ZNF385D: variants seen among roughly 807,000 people sequenced by gnomAD.
The protein encoded by ZNF385D is zinc finger protein 659.
Under a neutral mutation model 35.8 loss-of-function variants are expected in ZNF385D, and 15 were observed. The observed-to-expected ratio is 0.42, with a 90% CI of 0.28 to 0.64. The LOEUF (loss-of-function observed/expected upper bound fraction) is 0.64, where lower values mean the gene tolerates loss of function less well. Ranked by LOEUF, ZNF385D falls within the 30% of genes least tolerant of loss-of-function variation. The pLI, the probability that ZNF385D is intolerant of heterozygous loss-of-function variation, is 0.23. For synonymous variants in ZNF385D, 212 were observed against 186.8 expected, an observed-to-expected ratio of 1.13 and a Z score of -1.10; for missense variants, 474 against 494.6, an observed-to-expected ratio of 0.96 and a Z score of 0.39.
intron 3 of ZNF385D, among the ~76,000 whole-genome samples, chr3:22,155,831 G>T (rs1332547986): frequency 6.6e-6 from 1 of 152,102 alleles, no homozygotes; most frequent in African/African-American, 2.4e-5. Flanking sequence ...GGATAGAAGA[G>T]TTTGTTGTTA....
At chr3:21,839,224 T>C (rs756984905) in intron 3 of ZNF385D, among the ~76,000 whole-genome samples, 1 of 152,086 alleles carries the variant, frequency 6.6e-6, no homozygotes, top group Non-Finnish European at 1.5e-5. Flanking sequence ...TAACATTTTT[T>C]TAGTATCATC....
intron 3 of ZNF385D, among the ~76,000 whole-genome samples, chr3:21,878,726 G>T (rs1190565131): frequency 2.6e-5 from 4 of 152,134 alleles, no homozygotes; most frequent in Non-Finnish European, 4.4e-5. Context: ...TCTGAGTCAT[G>T]GATGTGCTTC....
intron 4 of ZNF385D, among the ~76,000 whole-genome samples, chr3:21,496,624 T>C (rs1284175474): frequency 1.4e-5 from 2 of 147,306 alleles, no homozygotes; most frequent in African/African-American, 2.6e-5. Context: ...GTCAATATCC[T>C]TGATGAACAT....
chr3:21,876,933 A>T (rs1698008624), intron 3 of ZNF385D, among the ~76,000 whole-genome samples: 1 of 152,122 alleles, frequency 6.6e-6, no homozygotes, highest in African/African-American at 2.4e-5. Context: ...CATTAAGCAG[A>T]GAAGCACTTC....
intron 4 of ZNF385D, among the ~76,000 whole-genome samples, chr3:21,462,997 C>G (rs945133078): frequency 2.6e-5 from 4 of 151,802 alleles, no homozygotes; most frequent in African/African-American, 9.7e-5. Context: ...AACAAACAAA[C>G]AAACAAACAA....
At chr3:22,292,840 AAG>A (rs1320443890) in intron 2 of ZNF385D, among the ~76,000 whole-genome samples, 2 of 152,094 alleles carry the variant, frequency 1.3e-5, no homozygotes, top group Non-Finnish European at 2.9e-5. Flanking sequence ...GTGACAGAAA[AAG>A]AGAGAGAGAA....
chr3:22,076,870 T>C (rs1390333416), intron 3 of ZNF385D, among the ~76,000 whole-genome samples: 1 of 151,984 alleles, frequency 6.6e-6, no homozygotes, highest in Non-Finnish European at 1.5e-5. Flanking sequence ...AAATTCTGTA[T>C]GACTGTAAGT....
At chr3:22,168,717 T>C (rs1476157145) in intron 3 of ZNF385D, 1 of 731,930 alleles carries the variant, frequency 1.4e-6, no homozygotes, top group Non-Finnish European at 1.7e-6. Flanking sequence ...TTTTTCCTGG[T>C]TTAAAAAAAT....
intron 3 of ZNF385D, among the ~76,000 whole-genome samples, chr3:21,814,866 T>A (rs1460590705): frequency 1.3e-5 from 2 of 152,124 alleles, no homozygotes; most frequent in African/African-American, 4.8e-5. Context: ...CCACCCCAAA[T>A]CAACAGAATA....
chr3:21,790,250 T>C lies in ZNF385D; in HGVS notation c.326-125222A>G, dbSNP rs539846833. Among the ~76,000 whole-genome samples, 6 of 14,178 alleles carry C rather than the reference T, an allele frequency of 4.2e-4. No individual in the cohort carries two copies. In the South Asian group the frequency reaches 9.9e-3, roughly 23 times the overall value. The allele number at this position is 14,178 out of a possible 152,430, so 9.3% of individuals were successfully genotyped here. A position where few individuals can be genotyped will look rare whatever the true frequency, so the allele number is the denominator to read the frequency against. On this transcript the variant is annotated intron_variant, in intron 3 of 5. Coordinates refer to the ZNF385D transcript ENST00000494108. ...CTTTAAAAATCGATGCATATGTGGCTTTTTTTCAATTAAAAAAGTGGCTCA... is the reference window on the plus strand; with the variant it reads ...CTTTAAAAATCGATGCATATGTGGCCTTTTTTCAATTAAAAAAGTGGCTCA...
intron 1 of ZNF385D, among the ~76,000 whole-genome samples, chr3:21,712,257 T>A (rs1204846658): frequency 6.6e-6 from 1 of 152,184 alleles, no homozygotes; most frequent in Non-Finnish European, 1.5e-5. Flanking sequence ...ATTGTACACG[T>A]CTACTTCTAA....
intron 2 of ZNF385D, among the ~76,000 whole-genome samples, chr3:22,236,040 A>G (rs1334281200): frequency 6.6e-6 from 1 of 152,172 alleles, no homozygotes; most frequent in East Asian, 1.9e-4. Context: ...ATTGATTGTA[A>G]CAGCAAGGAA....
intron 3 of ZNF385D, among the ~76,000 whole-genome samples, chr3:22,099,404 T>C (rs1303472100): frequency 6.6e-6 from 1 of 151,922 alleles, no homozygotes; most frequent in African/African-American, 2.4e-5. Context: ...AAAGTATGAG[T>C]TGTAATTATT....
intron 3 of ZNF385D, among the ~76,000 whole-genome samples, chr3:21,825,727 C>G (rs182908096): frequency 1.2e-3 from 187 of 152,302 alleles, no homozygotes; most frequent in Non-Finnish European, 1.9e-3. Flanking sequence ...GTGTTTGTCT[C>G]TCTCTCAAAT....
At chr3:22,121,269 A>G (rs73142952) in intron 3 of ZNF385D, among the ~76,000 whole-genome samples, 3,173 of 152,260 alleles carry the variant, frequency 0.021, 112 homozygotes, top group African/African-American at 0.073. Context: ...AAATAGATCA[A>G]TAGTCCTCCT....
intron 2 of ZNF385D, among the ~76,000 whole-genome samples, chr3:22,252,000 A>T (rs939163185): frequency 2.0e-5 from 3 of 152,240 alleles, no homozygotes; most frequent in Admixed American, 2.0e-4. Flanking sequence ...TAAACATTCA[A>T]TAAATGTTAT....
At position 22,324,553 on chromosome 3, in the gene ZNF385D, GAA is replaced by G. The variant is rs201088604; in HGVS notation, c.106+47895_106+47896del. On this transcript the variant is annotated intron_variant, in intron 2 of 5. Transcript: ENST00000494108. ...ACTAATCTAAGGAAGACAATAAAAT[GAA>G]AAGATATTTCATTATCCTATGAGCA... 2.5e-3 allele frequency among the ~76,000 whole-genome samples: 373 copies of G among 152,138 alleles called. 2 individuals carry two copies. The highest frequency in any genetic ancestry group is 8.9e-3 in the African/African-American group (368 of 41,524).
chr3:21,694,229 G>C (rs2067391666), intron 1 of ZNF385D, among the ~76,000 whole-genome samples: 1 of 151,834 alleles, frequency 6.6e-6, no homozygotes, highest in African/African-American at 2.4e-5. Context: ...ATTTTCAGTG[G>C]AGACGGGGTT....
intron 3 of ZNF385D, among the ~76,000 whole-genome samples, chr3:22,007,649 G>A (rs1013555299): frequency 6.6e-6 from 1 of 152,164 alleles, no homozygotes; most frequent in Non-Finnish European, 1.5e-5. Context: ...GGTAGAGTGT[G>A]CTGCCTATCT....
Sources: gnomAD v4.1 joint callset for allele counts (sites outside exome capture counted in the v4.1 genomes callset) on GRCh38, gnomAD v4.1.1 for gene constraint, MANE v1.5 for transcripts, NCBI Gene and HGNC (gene_info 2026-07-23, HGNC 2026-07-21) for gene names.